Variants in XIRP2 observed in about 807,000 individuals in gnomAD.
The protein encoded by XIRP2 is xin actin binding repeat containing 2.
Under a neutral mutation model 277.0 loss-of-function variants are expected in XIRP2, and 236 were observed. The ratio of observed to expected loss-of-function variants is 0.85; its 90% confidence interval spans 0.77 to 0.95. XIRP2 has a LOEUF of 0.95. Among genes scored for constraint, XIRP2 ranks in the 40% least tolerant of loss-of-function variants. The pLI, the probability that XIRP2 is intolerant of heterozygous loss-of-function variation, is 0.00. For synonymous variants in XIRP2, 1,490 were observed against 1,416.5 expected, an observed-to-expected ratio of 1.05 and a Z score of -1.17; for missense variants, 4,640 against 4,157.5, an observed-to-expected ratio of 1.12 and a Z score of -3.19.
chr2:167,063,380 T>C (rs1369750353), intron 2 of XIRP2, among the ~76,000 whole-genome samples: 1 of 152,000 alleles, frequency 6.6e-6, no homozygotes, highest in African/African-American at 2.4e-5. Flanking sequence ...TGTATTCTTC[T>C]GGTTTCGAAA....
At chr2:166,964,407 T>A (rs957331872) in intron 2 of XIRP2, among the ~76,000 whole-genome samples, 100 of 151,844 alleles carry the variant, frequency 6.6e-4, no homozygotes, top group African/African-American at 2.3e-3. Flanking sequence ...TATATTTTTT[T>A]AAGAAATGTC....
At position 166,943,405 on chromosome 2, in the gene XIRP2, G is replaced by A. The variant is rs569107233; in HGVS notation, c.408+39515G>A. Among the ~76,000 whole-genome samples the A allele has an allele frequency of 3.9e-5, 6 of 152,330 alleles. No homozygotes were observed. The East Asian group carries it at 1.2e-3, about 29-fold the overall frequency. Reference sequence around the variant, plus strand: ...CTTTGCTTTCTCCTTGTTCTGAGCAGAGGATTCTTTTGTCTCCACTTTAAA... The same window carrying A: ...CTTTGCTTTCTCCTTGTTCTGAGCAAAGGATTCTTTTGTCTCCACTTTAAA... On this transcript the variant is annotated intron_variant, in intron 2 of 10. Coordinates refer to ENST00000409195, the MANE Select transcript of XIRP2 (RefSeq NM_152381.6).
At chr2:166,966,514 C>T (rs1686437999) in intron 2 of XIRP2, among the ~76,000 whole-genome samples, 1 of 151,822 alleles carries the variant, frequency 6.6e-6, no homozygotes, top group Admixed American at 6.6e-5. Context: ...AGTTGTGATG[C>T]TCCTCAGGGA....
At chr2:167,186,872 CT>C (rs1374120105) in intron 3 of XIRP2, among the ~76,000 whole-genome samples, 4 of 149,878 alleles carry the variant, frequency 2.7e-5, no homozygotes, top group Non-Finnish European at 3.0e-5. Flanking sequence ...TAGTGTTTTG[CT>C]TTATATGTGA....
At chr2:167,083,623 G>C (rs1234585598) in intron 2 of XIRP2, among the ~76,000 whole-genome samples, 1 of 152,114 alleles carries the variant, frequency 6.6e-6, no homozygotes, top group African/African-American at 2.4e-5. Flanking sequence ...ATTTCCTTGA[G>C]CAGTGGTTTG....
intron 3 of XIRP2, among the ~76,000 whole-genome samples, chr2:167,136,575 T>C (rs1691558557): frequency 6.6e-6 from 1 of 152,198 alleles, no homozygotes; most frequent in Non-Finnish European, 1.5e-5. Flanking sequence ...ATAAATTTGA[T>C]TAATGCTTCA....
intron 2 of XIRP2, among the ~76,000 whole-genome samples, chr2:167,045,460 A>G (rs1574200507): frequency 6.6e-6 from 1 of 152,310 alleles, no homozygotes; most frequent in East Asian, 1.9e-4. Flanking sequence ...GACCGAGTAA[A>G]CAGACAACCT....
chr2:167,092,424 G>A lies in XIRP2; in HGVS notation c.409-43485G>A, dbSNP rs536396884. On this transcript the variant is annotated intron_variant, in intron 2 of 10. Coordinates refer to ENST00000409195, the MANE Select transcript of XIRP2 (RefSeq NM_152381.6). The stretch of plus-strand genomic sequence containing the variant: ...CACACCCTGATCTTCATTACACAGA[G>A]CTACACAATAGCAACACTGCAAACA... Among the ~76,000 whole-genome samples the A allele has an allele frequency of 3.7e-4, 56 of 152,030 alleles. 1 individual carries two copies. Among genetic ancestry groups the A allele is most frequent in the African/African-American group, 1.4e-3 (56 of 41,434 alleles).
At chr2:167,003,981 C>T (rs909610765) in intron 2 of XIRP2, among the ~76,000 whole-genome samples, 3 of 151,630 alleles carry the variant, frequency 2.0e-5, no homozygotes, top group Non-Finnish European at 4.4e-5. Flanking sequence ...TTTAAATTAT[C>T]GAGTTAAAAT....
At chr2:166,940,493 C>T (rs1006357462) in intron 2 of XIRP2, among the ~76,000 whole-genome samples, 1 of 152,200 alleles carries the variant, frequency 6.6e-6, no homozygotes, top group African/African-American at 2.4e-5. Context: ...TGGCGAGGAG[C>T]TGTGTTCCTT....
chr2:167,109,479 C>A (rs999154055), intron 2 of XIRP2, among the ~76,000 whole-genome samples: 2 of 152,156 alleles, frequency 1.3e-5, no homozygotes, highest in African/African-American at 4.8e-5. Flanking sequence ...CAGAGTTTCT[C>A]CATGTTGGCC....
intron 3 of XIRP2, among the ~76,000 whole-genome samples, chr2:167,208,464 T>C (rs1256829951): frequency 2.0e-5 from 3 of 152,090 alleles, no homozygotes; most frequent in East Asian, 1.9e-4. Context: ...CCCGCCACCA[T>C]GCCTGGCTAA....
chr2:167,210,516 A>C (rs547755592), intron 3 of XIRP2, among the ~76,000 whole-genome samples: 4 of 152,280 alleles, frequency 2.6e-5, no homozygotes, highest in Non-Finnish European at 5.9e-5. Context: ...TGGGGGGATA[A>C]ATTTTTGCTG....
intron 2 of XIRP2, among the ~76,000 whole-genome samples, chr2:166,907,171 T>A (rs1380422078): frequency 6.6e-6 from 1 of 152,220 alleles, no homozygotes; most frequent in African/African-American, 2.4e-5. Flanking sequence ...AATATTTTCA[T>A]GCTTATGAGG....
intron 2 of XIRP2, among the ~76,000 whole-genome samples, chr2:167,039,223 A>T (rs537699820): frequency 6.6e-6 from 1 of 151,870 alleles, no homozygotes; most frequent in Non-Finnish European, 1.5e-5. Flanking sequence ...AAACAACCTT[A>T]CTCTTAAATT....
At chr2:167,030,949 C>T (rs1688328691) in intron 2 of XIRP2, among the ~76,000 whole-genome samples, 4 of 150,300 alleles carry the variant, frequency 2.7e-5, no homozygotes, top group Admixed American at 1.3e-4. Context: ...ACATAACGGC[C>T]TTCTTTGTGT....
chr2:167,046,873 A>T (rs1300707769), intron 2 of XIRP2, among the ~76,000 whole-genome samples: 1 of 151,950 alleles, frequency 6.6e-6, no homozygotes. Flanking sequence ...AACACCAGCA[A>T]CGTGGAATTT....
chr2:167,116,612 A>T (rs1031303758), intron 2 of XIRP2, among the ~76,000 whole-genome samples: 1 of 152,132 alleles, frequency 6.6e-6, no homozygotes, highest in African/African-American at 2.4e-5. Flanking sequence ...TGGTGTGATT[A>T]GATCATTTAC....
intron 2 of XIRP2, among the ~76,000 whole-genome samples, chr2:166,939,256 T>G (rs1304205864): frequency 6.6e-6 from 1 of 152,172 alleles, no homozygotes; most frequent in Non-Finnish European, 1.5e-5. Context: ...TGTTTAGTGC[T>G]TCCTTCAGGA....
Sources: gnomAD v4.1 joint callset for allele counts (sites outside exome capture counted in the v4.1 genomes callset) on GRCh38, gnomAD v4.1.1 for gene constraint, MANE v1.5 for transcripts, NCBI Gene and HGNC (gene_info 2026-07-23, HGNC 2026-07-21) for gene names.